TRPM3: variants seen among roughly 807,000 people sequenced by gnomAD.
TRPM3 encodes the protein transient receptor potential cation channel subfamily M member 3.
In TRPM3, 77 loss-of-function variants were observed where a neutral mutation model predicts 181.2. The observed-to-expected ratio is 0.42, with a 90% confidence interval of 0.35 to 0.51. The LOEUF (loss-of-function observed/expected upper bound fraction) is 0.51. TRPM3 is among the 20% of genes least tolerant of loss of function. The pLI, the probability that TRPM3 is intolerant of heterozygous loss-of-function variation, is 0.01. For synonymous variants in TRPM3, 745 were observed against 796.4 expected (o/e 0.94, Z 1.09); for missense variants, 1,759 against 2,196.7 (o/e 0.80, Z 3.98).
intron 1 of TRPM3, among the ~76,000 whole-genome samples, chr9:71,150,055 G>T (rs911869475): frequency 6.6e-6 from 1 of 151,778 alleles, no homozygotes; most frequent in Non-Finnish European, 1.5e-5. Context: ...AGAACAAAAT[G>T]AAACTAAGCA....
intron 6 of TRPM3, among the ~76,000 whole-genome samples, chr9:70,810,393 C>T (rs530244708): frequency 1.9e-4 from 28 of 149,506 alleles, no homozygotes; most frequent in African/African-American, 6.2e-4. Context: ...GCCTCCAACC[C>T]CACCCTCCTC....
intron 1 of TRPM3, among the ~76,000 whole-genome samples, chr9:70,930,426 T>C (rs1357197502): frequency 1.3e-5 from 2 of 152,332 alleles, no homozygotes; most frequent in East Asian, 1.9e-4. Flanking sequence ...ATACTTCCTT[T>C]CATCACCTTT....
intron 1 of TRPM3, among the ~76,000 whole-genome samples, chr9:71,436,684 G>A (rs531261349): frequency 6.6e-6 from 1 of 152,190 alleles, no homozygotes; most frequent in Non-Finnish European, 1.5e-5. Context: ...ATGAGCCAAG[G>A]AATGTGGGTG....
intron 8 of TRPM3, among the ~76,000 whole-genome samples, chr9:70,683,720 G>A (rs565327022): frequency 1.3e-5 from 2 of 152,164 alleles, no homozygotes; most frequent in South Asian, 2.1e-4. Context: ...ATAACTACAG[G>A]TTTGGCCAAG....
intron 1 of TRPM3, among the ~76,000 whole-genome samples, chr9:70,907,651 C>G: frequency 6.6e-6 from 1 of 152,144 alleles, no homozygotes; most frequent in East Asian, 1.9e-4. Context: ...TCCCATTGCC[C>G]CAGTAATGAA....
chr9:71,048,224 C>T (rs956393687), intron 1 of TRPM3, among the ~76,000 whole-genome samples: 3 of 152,132 alleles, frequency 2.0e-5, no homozygotes, highest in Non-Finnish European at 4.4e-5. Flanking sequence ...CCTACACAGC[C>T]AAGACTGGTG....
intron 22 of TRPM3, among the ~76,000 whole-genome samples, chr9:70,564,575 A>G (rs140638119): frequency 6.6e-6 from 1 of 152,304 alleles, no homozygotes; most frequent in Non-Finnish European, 1.5e-5. Context: ...GTATTCAAAG[A>G]GGGAAGAGCC....
chr9:71,156,586 G>A (rs2076016586), intron 1 of TRPM3, among the ~76,000 whole-genome samples: 1 of 152,042 alleles, frequency 6.6e-6, no homozygotes, highest in Non-Finnish European at 1.5e-5. Flanking sequence ...GAGAACGACT[G>A]ATTGTGATTA....
intron 3 of TRPM3, among the ~76,000 whole-genome samples, chr9:70,852,858 CATCT>C (rs2095278391): frequency 6.6e-6 from 1 of 152,198 alleles, no homozygotes; most frequent in Admixed American, 6.5e-5. Flanking sequence ...AAAGCATTCT[CATCT>C]ATCAAAGGCC....
chr9:71,435,599 A>G (rs2094020380), intron 1 of TRPM3, among the ~76,000 whole-genome samples: 1 of 152,242 alleles, frequency 6.6e-6, no homozygotes, highest in Non-Finnish European at 1.5e-5. Flanking sequence ...CATGGATTTA[A>G]AGACACCTTA....
chr9:70,605,991 C>CATCT (rs529780839), intron 19 of TRPM3, among the ~76,000 whole-genome samples: 115 of 152,350 alleles, frequency 7.5e-4, no homozygotes, highest in African/African-American at 2.8e-3. Flanking sequence ...CTTGAACCTA[C>CATCT]ATCTGTCCTC....
chr9:70,746,502 C>A (rs531157363), intron 8 of TRPM3, among the ~76,000 whole-genome samples: 1 of 152,218 alleles, frequency 6.6e-6, no homozygotes, highest in South Asian at 2.1e-4. Context: ...AAGGCACAGA[C>A]AATAGCCCTC....
At position 71,242,420 on chromosome 9, in the gene TRPM3, A is replaced by G. The variant is rs1324232711; in HGVS notation, c.183+204233T>C. ...GTCATGACCGGATTAGATGGTGAAAACAATCTGTTTATTTAGGCTTGACTT... is the reference window on the plus strand; with the variant it reads ...GTCATGACCGGATTAGATGGTGAAAGCAATCTGTTTATTTAGGCTTGACTT... On this transcript the variant is annotated intron_variant, in intron 1 of 24. Transcript: ENST00000357533. Among the ~76,000 whole-genome samples the G allele has an allele frequency of 3.3e-4, 50 of 152,306 alleles. 1 individual carries two copies. The highest frequency in any genetic ancestry group is 4.9e-4 in the Non-Finnish European group (33 of 68,034).
At chr9:71,072,156 G>A (rs951554202) in intron 1 of TRPM3, among the ~76,000 whole-genome samples, 2 of 152,148 alleles carry the variant, frequency 1.3e-5, no homozygotes, top group Admixed American at 6.5e-5. Context: ...AAACATTTCA[G>A]ATCTAGTTTC....
chr9:70,923,947 T>A (rs143734050), intron 1 of TRPM3, among the ~76,000 whole-genome samples: 1 of 149,326 alleles, frequency 6.7e-6, no homozygotes, highest in Non-Finnish European at 1.5e-5. Context: ...CATATATATA[T>A]ACACACACAC....
chr9:70,589,586 A>G (rs1211204456), intron 22 of TRPM3, among the ~76,000 whole-genome samples: 1 of 152,190 alleles, frequency 6.6e-6, no homozygotes, highest in Non-Finnish European at 1.5e-5. Context: ...GTTTGAAAGC[A>G]GGCTCTCAAA....
At chr9:70,785,395 G>A (rs182470000) in intron 6 of TRPM3, among the ~76,000 whole-genome samples, 3 of 152,208 alleles carry the variant, frequency 2.0e-5, no homozygotes, top group East Asian at 3.9e-4. Context: ...ACTTCCTTTT[G>A]TTCAATTTGG....
chr9:70,988,269 T>C (rs772812263), intron 1 of TRPM3, among the ~76,000 whole-genome samples: 1 of 152,210 alleles, frequency 6.6e-6, no homozygotes, highest in Non-Finnish European at 1.5e-5. Context: ...GAACCACAGA[T>C]ACAGAGCTAA....
At chr9:70,683,116 A>G (rs2065873764) in intron 8 of TRPM3, among the ~76,000 whole-genome samples, 1 of 152,208 alleles carries the variant, frequency 6.6e-6, no homozygotes, top group African/African-American at 2.4e-5. Context: ...AGAATAAGAT[A>G]ATACGAACAC....
Sources: gnomAD v4.1 joint callset for allele counts (sites outside exome capture counted in the v4.1 genomes callset) on GRCh38, gnomAD v4.1.1 for gene constraint, MANE v1.5 for transcripts, NCBI Gene and HGNC (gene_info 2026-07-23, HGNC 2026-07-21) for gene names.